The following SYNE3 variants were observed in gnomAD, a reference collection of about 807,000 sequenced individuals.
The protein encoded by SYNE3 is nesprin-3.
Under a neutral mutation model 111.2 loss-of-function variants are expected in SYNE3, and 100 were observed. That is an observed-to-expected ratio of 0.90 (90% CI 0.77 to 1.06). The LOEUF is 1.06. SYNE3 is among the 50% of genes least tolerant of loss of function. SYNE3 has a pLI of 0.00. For synonymous variants in SYNE3, 547 were observed against 533.9 expected, an observed-to-expected ratio of 1.02 and a Z score of -0.34; for missense variants, 1,160 against 1,240.3, an observed-to-expected ratio of 0.94 and a Z score of 0.97.
intron 17 of SYNE3, among the ~76,000 whole-genome samples, chr14:95,431,823 TCC>T (rs1407615942): frequency 6.6e-6 from 1 of 152,112 alleles, no homozygotes; most frequent in Non-Finnish European, 1.5e-5. Flanking sequence ...AACTCCAAGA[TCC>T]CCTCTCTGCT....
At chr14:95,503,129 T>TC (rs1316773416) in intron 1 of SYNE3, among the ~76,000 whole-genome samples, 1 of 152,216 alleles carries the variant, frequency 6.6e-6, no homozygotes, top group Non-Finnish European at 1.5e-5. Context: ...TACCCTCAAG[T>TC]CCCCTGCAAG....
intron 9 of SYNE3, 140 bp from the exon 10 acceptor site, chr14:95,444,768 T>C: frequency 9.1e-7 from 1 of 1,099,480 alleles, no homozygotes; most frequent in Non-Finnish European, 1.2e-6. Flanking sequence ...CAGGAAGCCT[T>C]CCCTGAGCCC....
intron 17 of SYNE3, among the ~76,000 whole-genome samples, chr14:95,428,587 T>C (rs972670948): frequency 9.2e-5 from 14 of 152,226 alleles, no homozygotes; most frequent in Non-Finnish European, 1.8e-4. Context: ...TATTTCACCC[T>C]GGCTCACAGA....
chr14:95,483,785 T>C (rs1889394085), intron 1 of SYNE3, among the ~76,000 whole-genome samples: 1 of 152,178 alleles, frequency 6.6e-6, no homozygotes, highest in Admixed American at 6.5e-5. Flanking sequence ...GTTAAGGGAC[T>C]GCACCAAAGC....
intron 4 of SYNE3, among the ~76,000 whole-genome samples, chr14:95,463,872 T>C (rs1267705486): frequency 1.3e-5 from 2 of 152,264 alleles, no homozygotes; most frequent in Non-Finnish European, 2.9e-5. Context: ...TCCTATTTAT[T>C]CTCACTGCTA....
intron 11 of SYNE3, among the ~76,000 whole-genome samples, chr14:95,440,989 GAA>G (rs1033931319): frequency 6.6e-6 from 1 of 152,190 alleles, no homozygotes; most frequent in Non-Finnish European, 1.5e-5. Context: ...CTGTCACCAG[GAA>G]AGGTGGACAC....
At chr14:95,462,522 T>A (rs941888501) in intron 4 of SYNE3, among the ~76,000 whole-genome samples, 4 of 151,404 alleles carry the variant, frequency 2.6e-5, no homozygotes, top group Admixed American at 6.6e-5. Flanking sequence ...ATGGAGGGAG[T>A]CTCCCCCTCA....
In SYNE3 at chr14:95,443,287, C is replaced by A; in HGVS notation, c.1779G>T (p.Gly593=). 1 of 1,614,190 alleles carries A rather than the reference C, an allele frequency of 6.2e-7. No homozygotes were observed. The highest frequency in any genetic ancestry group is 8.5e-7 in the Non-Finnish European group (1 of 1,180,014). Residue 593 remains glycine (G), a splice_region_variant and synonymous_variant, in exon 11 of 18, where the codon GGG becomes GGT. Transcript: ENST00000682763. ...GKQAQLSRLQ[G]LQEEGLDLGA... ...CCAAGTCCAGCCCCTCTTCCTGCAG[C>A]CCCTGCAGTAGAGAAGGGAACAGGT...
At chr14:95,432,864 T>G (rs1255073330) in intron 16 of SYNE3, among the ~76,000 whole-genome samples, 1 of 151,984 alleles carries the variant, frequency 6.6e-6, no homozygotes, top group Non-Finnish European at 1.5e-5. Context: ...CCACGCGGCC[T>G]CGGGCAAGGT....
intron 4 of SYNE3, among the ~76,000 whole-genome samples, chr14:95,460,952 A>G (rs913095545): frequency 2.6e-5 from 4 of 152,158 alleles, no homozygotes; most frequent in African/African-American, 7.2e-5. Flanking sequence ...CAGGGTAAAT[A>G]AAAGTCTGTG....
At chr14:95,460,623 A>G (rs901898726) in intron 4 of SYNE3, among the ~76,000 whole-genome samples, 1 of 94,436 alleles carries the variant, frequency 1.1e-5, no homozygotes, top group East Asian at 3.3e-4. Flanking sequence ...CTGAAAGTGG[A>G]GCAAGCGAGG....
intron 1 of SYNE3, among the ~76,000 whole-genome samples, chr14:95,505,666 CT>C (rs1045629409): frequency 6.7e-6 from 1 of 149,760 alleles, no homozygotes; most frequent in African/African-American, 2.5e-5. Flanking sequence ...TTACCTTTTT[CT>C]TTTTTTTCTT....
At chr14:95,436,019 G>A (rs1288241476) in intron 15 of SYNE3, among the ~76,000 whole-genome samples, 2 of 152,156 alleles carry the variant, frequency 1.3e-5, no homozygotes, top group Non-Finnish European at 2.9e-5. Flanking sequence ...TCTAGGAGGT[G>A]GAATCAAGGA....
rs1903543124 is a variant in SYNE3, at chr14:95,415,276, G to GCCCCCCACCC, written c.*2549_*2550insGGGTGGGGGG. ...CATAGGAAAGTGGACACCTGGCAAG[G>GCCCCCCACCC]CCCCCCCACCCACCCACCCTGCCAC... On this transcript the variant is annotated 3_prime_UTR_variant, in exon 18 of 18. Coordinates refer to ENST00000682763, the MANE Select transcript of SYNE3 (RefSeq NM_152592.6). 1 of 139,614 alleles carries GCCCCCCACCC rather than the reference G, an allele frequency of 7.2e-6. No individual in the cohort carries two copies. The highest frequency in any genetic ancestry group is 1.5e-5 in the Non-Finnish European group (1 of 64,614). The allele number at this position is 139,614 out of a possible 1,614,324, so 8.6% of individuals were successfully genotyped here. A position where few individuals can be genotyped will look rare whatever the true frequency, so the allele number is the denominator to read the frequency against.
intron 7 of SYNE3, 88 bp from the exon 8 acceptor site, chr14:95,450,193 C>A (rs1226915355): frequency 1.4e-6 from 2 of 1,458,544 alleles, no homozygotes; most frequent in Non-Finnish European, 1.8e-6. Context: ...CCTCAAGAGG[C>A]CCAGCATGCA....
chr14:95,506,850 G>T (rs1275612377), intron 1 of SYNE3, among the ~76,000 whole-genome samples: 2 of 152,164 alleles, frequency 1.3e-5, no homozygotes, highest in Non-Finnish European at 2.9e-5. Context: ...TATGTGACTT[G>T]CCACAGGCGA....
intron 1 of SYNE3, among the ~76,000 whole-genome samples, chr14:95,493,238 T>A (rs993040697): frequency 6.6e-6 from 1 of 152,216 alleles, no homozygotes; most frequent in Non-Finnish European, 1.5e-5. Flanking sequence ...GTACGTTCCA[T>A]TTACTGAGCA....
chr14:95,515,685 C>G (rs1890893098), intron 1 of SYNE3, among the ~76,000 whole-genome samples: 3 of 152,218 alleles, frequency 2.0e-5, no homozygotes, highest in Non-Finnish European at 4.4e-5. Flanking sequence ...AGAAAGCCCC[C>G]CCACCCAGTG....
In SYNE3 at chr14:95,470,642, A is replaced by C. The variant is rs8014265; in HGVS notation, c.145-2675T>G. Among the ~76,000 whole-genome samples the C allele has an allele frequency of 0.61, 92,902 of 151,244 alleles. 28,915 individuals carry two copies. The highest frequency in any genetic ancestry group is 0.71 in the African/African-American group (29,346 of 41,238). ...CTCAAGCCTGGGCAGCAGGGCAAGA[A>C]CCTGTCACTAAAAAACTAAAAATAA... On this transcript the variant is annotated intron_variant, in intron 2 of 17. Transcript: ENST00000682763. The surrounding 1 kb of genome is among the most constrained non-coding windows in gnomAD (Gnocchi z 4.2).
Sources: gnomAD v4.1 joint callset for allele counts (sites outside exome capture counted in the v4.1 genomes callset) on GRCh38, gnomAD v4.1.1 for gene constraint, Gnocchi (gnomAD v3.1) non-coding constraint, MANE v1.5 for transcripts, NCBI Gene and HGNC (gene_info 2026-07-23, HGNC 2026-07-21) for gene names.